LCORL: variants seen among roughly 807,000 people sequenced by gnomAD.
LCORL encodes the protein ligand-dependent nuclear receptor corepressor-like protein.
A neutral mutation model predicts 141.8 loss-of-function variants in LCORL; 41 were observed. The ratio of observed to expected loss-of-function variants is 0.29; its 90% CI spans 0.23 to 0.38. The LOEUF (loss-of-function observed/expected upper bound fraction) is 0.38. Among genes scored for constraint, LCORL ranks in the 10% least tolerant of loss-of-function variants. The probability of loss-of-function intolerance (pLI) is 1.00; values close to 1 mark genes in which losing one functional copy is unlikely to be tolerated. For synonymous variants in LCORL, 618 were observed against 694.1 expected (o/e 0.89, Z 1.72); for missense variants, 1,759 against 2,035.0 (o/e 0.86, Z 2.61).
exon 8 of LCORL, chr4:17,841,492 A>T (rs376539847): frequency 4.6e-5 from 7 of 152,072 alleles, no homozygotes; most frequent in Middle Eastern, 3.4e-3. Flanking sequence ...TTTCTTGGGG[A>T]TAAATGCATT....
At chr4:17,883,832 G>C (rs1274600757) in intron 6 of LCORL, 1 of 1,550,422 alleles carries the variant, frequency 6.4e-7, no homozygotes, top group Non-Finnish European at 8.7e-7. Flanking sequence ...CAGTGTTCCA[G>C]ATCTTTCTTT....
Position 17,977,900 on chromosome 4 carries a change from C to T in LCORL, c.155-5015G>A, listed in dbSNP as rs372794653. Among the ~76,000 whole-genome samples, 10 of 152,206 alleles carry T rather than the reference C, an allele frequency of 6.6e-5. 1 individual carries two copies. In the East Asian group the frequency reaches 1.9e-3, roughly 29 times the overall value. ...TTAAATTTTACATTTAGGTCTGTGG[C>T]CCATTTTGATCACTTTTTGTGGATG... is the stretch of plus-strand genomic sequence containing the variant. On this transcript the variant is annotated intron_variant, in intron 1 of 7. Transcript: ENST00000635767.
At chr4:17,892,636 TA>T (rs1729292903) in intron 5 of LCORL, among the ~76,000 whole-genome samples, 2 of 152,228 alleles carry the variant, frequency 1.3e-5, no homozygotes, top group Non-Finnish European at 2.9e-5. Context: ...TAAATCAAAG[TA>T]AAGTGCTTAT....
intron 4 of LCORL, among the ~76,000 whole-genome samples, chr4:17,933,133 AG>A: frequency 6.6e-6 from 1 of 150,438 alleles, no homozygotes; most frequent in African/African-American, 2.5e-5. Context: ...TACTTTTACC[AG>A]GATGTCTCAA....
At chr4:17,912,463 G>T in intron 4 of LCORL, 2 of 555,792 alleles carry the variant, frequency 3.6e-6, no homozygotes, top group East Asian at 4.4e-5. Context: ...GGCCCAATAC[G>T]ATGAGCTGGC....
Position 17,981,965 on chromosome 4 carries a change from T to C in LCORL, c.155-9080A>G, listed in dbSNP as rs544695346. 7.9e-5 allele frequency among the ~76,000 whole-genome samples: 12 copies of C among 152,198 alleles called. No individual in the cohort carries two copies. In the South Asian group the frequency reaches 1.0e-3, roughly 13 times the overall value. On this transcript the variant is annotated intron_variant, in intron 1 of 7. Coordinates refer to ENST00000635767, the Ensembl canonical transcript of LCORL. ...TCTTTGAATCCATGTGTTCTCATCA[T>C]TTATATGGTAGAATACATGGTATTT...
rs534100172 is a variant in LCORL, at chr4:17,938,466, G to T, written c.430+23437C>A. Among the ~76,000 whole-genome samples, 7 of 148,844 alleles carry T rather than the reference G, an allele frequency of 4.7e-5. No individual in the cohort carries two copies. In the East Asian group the frequency reaches 1.4e-3, roughly 29 times the overall value. On this transcript the variant is annotated intron_variant, in intron 4 of 7. Coordinates refer to ENST00000635767, the Ensembl canonical transcript of LCORL. ...AGTTTCGCTCTTGTTGCCCAGGCTG[G>T]AGTGCAATGGTGCGATCTCGGCTCA...
At chr4:17,906,918 G>A (rs978256728) in intron 5 of LCORL, among the ~76,000 whole-genome samples, 7 of 152,178 alleles carry the variant, frequency 4.6e-5, no homozygotes, top group Admixed American at 1.3e-4. Context: ...TCTTGACCTC[G>A]TGATCCACCC....
chr4:17,911,609 A>G (rs1732546670), intron 4 of LCORL: 2 of 405,786 alleles, frequency 4.9e-6, no homozygotes, highest in African/African-American at 4.2e-5. Flanking sequence ...CAGCAGTTTA[A>G]AAATGGATAA....
exon 7 of LCORL, chr4:17,877,745 A>T: frequency 8.1e-7 from 1 of 1,230,684 alleles, no homozygotes; most frequent in Non-Finnish European, 1.0e-6. Flanking sequence ...ACAAAAGAGG[A>T]CTACGAAAGG....
intron 5 of LCORL, among the ~76,000 whole-genome samples, chr4:17,896,894 T>C (rs1287065951): frequency 6.6e-6 from 1 of 152,106 alleles, no homozygotes; most frequent in Non-Finnish European, 1.5e-5. Flanking sequence ...TCTCAGCCTC[T>C]GGTAACCATC....
exon 8 of LCORL, chr4:17,841,288 A>G (rs1380116075): frequency 6.6e-6 from 1 of 152,006 alleles, no homozygotes; most frequent in East Asian, 1.9e-4. Context: ...AAACTACTAT[A>G]AGGAACACTA....
intron 4 of LCORL, among the ~76,000 whole-genome samples, chr4:17,936,417 A>G (rs924813504): frequency 2.7e-5 from 4 of 150,172 alleles, no homozygotes; most frequent in Admixed American, 6.6e-5. Flanking sequence ...TGATAGTGGC[A>G]TAGTGGCATA....
intron 4 of LCORL, among the ~76,000 whole-genome samples, chr4:17,939,903 T>C (rs1737556303): frequency 8.5e-6 from 1 of 117,224 alleles, no homozygotes; most frequent in African/African-American, 4.2e-5. Flanking sequence ...CATATATGTA[T>C]ATATACATAT....
intron 7 of LCORL, among the ~76,000 whole-genome samples, chr4:17,855,579 AT>A: frequency 6.6e-6 from 1 of 152,106 alleles, no homozygotes; most frequent in East Asian, 1.9e-4. Context: ...TTGCCCTATA[AT>A]TTTGCAGTGT....
intron 4 of LCORL, among the ~76,000 whole-genome samples, chr4:17,919,604 T>C (rs1270788105): frequency 6.6e-6 from 1 of 152,240 alleles, no homozygotes; most frequent in Non-Finnish European, 1.5e-5. Flanking sequence ...AAGTGTGTAA[T>C]AGCACTATGT....
exon 8 of LCORL, chr4:17,843,583 A>C (rs1354846965): frequency 1.5e-6 from 1 of 674,232 alleles, no homozygotes; most frequent in Non-Finnish European, 2.4e-6. Flanking sequence ...AAAGCAGTAG[A>C]GCAGCATCAG....
At chr4:17,965,674 G>A (rs778246605) in intron 2 of LCORL, among the ~76,000 whole-genome samples, 1 of 152,064 alleles carries the variant, frequency 6.6e-6, no homozygotes, top group Non-Finnish European at 1.5e-5. Flanking sequence ...CCCTAGTACT[G>A]AACTTTTTGT....
At chr4:17,901,778 G>GA (rs957951158) in intron 5 of LCORL, among the ~76,000 whole-genome samples, 2 of 151,292 alleles carry the variant, frequency 1.3e-5, no homozygotes, top group African/African-American at 4.9e-5. Flanking sequence ...AAATAAGGAG[G>GA]AAAAAAAAGC....
Sources: gnomAD v4.1 joint callset for allele counts (sites outside exome capture counted in the v4.1 genomes callset) on GRCh38, gnomAD v4.1.1 for gene constraint, MANE v1.5 for transcripts, NCBI Gene and HGNC (gene_info 2026-07-23, HGNC 2026-07-21) for gene names.